Variants in MCM3 observed in about 807,000 individuals in gnomAD.
MCM3 encodes the protein DNA replication licensing factor MCM3.
A neutral mutation model predicts 91.3 loss-of-function variants in MCM3; 59 were observed. The observed-to-expected ratio is 0.65, with a 90% CI of 0.52 to 0.80. The LOEUF (loss-of-function observed/expected upper bound fraction) is 0.80. Among genes scored for constraint, MCM3 ranks in the 30% least tolerant of loss-of-function variants. The pLI is 0.00. For missense variants in MCM3, 919 were observed against 1,035.4 expected (o/e 0.89, Z 1.54); for synonymous variants, 383 against 379.6 (o/e 1.01, Z -0.10).
chr6:52,269,128 T>G lies in MCM3; in HGVS notation c.1926A>C (p.Ala642=). 6.2e-7 allele frequency: 1 copy of G among 1,614,102 alleles called. No homozygotes were observed. The highest frequency in any genetic ancestry group is 8.5e-7 in the Non-Finnish European group (1 of 1,179,930). Reference sequence around the variant, plus strand: ...ACTGGACCAACTCCACAGCTTCCTCTGCATCCTGCAGGTCCACAGTCTTGC... The same window carrying G: ...ACTGGACCAACTCCACAGCTTCCTCGGCATCCTGCAGGTCCACAGTCTTGC... ...RMSKTVDLQD[A]EEAVELVQYA... is the part of the protein sequence containing the mutation. The change falls in exon 13 of 17, where the codon GCA becomes GCC. Residue 642 remains alanine (A), a synonymous_variant. Coordinates refer to ENST00000596288, the MANE Select transcript of MCM3 (RefSeq NM_002388.6).
rs769676124 is a variant in MCM3 at position 52,267,953 on chromosome 6, TCTC to T, written c.1981_1983del (p.Glu661del). 3 of 1,612,788 alleles carry T rather than the reference TCTC, an allele frequency of 1.9e-6. No homozygotes were observed. Among genetic ancestry groups the T allele is most frequent in the East Asian group, 2.2e-5 (1 of 44,866 alleles). On this transcript the variant is annotated inframe_deletion, in exon 14 of 17. Transcript: ENST00000596288. ...TCCTCACTTCGCTTCTTACGTTTCT[TCTC>T]CTTCTCCAGAACCTAAGACCAAGGC...
rs776301059 is a variant in MCM3, at chr6:52,276,372, C to G, written c.1270G>C (p.Glu424Gln). ...GTCACTCGACCCTGCTCCATCACTT[C>G]ATGGATGGCTGTGCGATCCATGTCA... ...MSDMDRTAIH[E>Q]VMEQGRVTIA... The change falls in exon 9 of 17, where the codon GAA (glutamate) becomes CAA (glutamine). Residue 424 changes from glutamate (E) to glutamine (Q), a missense_variant. Glu to Gln is a conservative substitution (Grantham distance 29). Transcript: ENST00000596288. 1 of 1,614,130 alleles carries G rather than the reference C, an allele frequency of 6.2e-7. No individual in the cohort carries two copies. Among genetic ancestry groups the G allele is most frequent in the Non-Finnish European group, 8.5e-7 (1 of 1,180,006 alleles).
At chr6:52,281,859 T>C (rs761014937) in intron 4 of MCM3, among the ~76,000 whole-genome samples, 186 bp downstream of exon 4, 8 of 152,112 alleles carry the variant, frequency 5.3e-5, no homozygotes, top group Non-Finnish European at 1.2e-4. Context: ...AATAAATAAA[T>C]AAATAAATAA....
In MCM3 at chr6:52,264,510, A is replaced by C; in HGVS notation, c.*78T>G. 1 of 1,509,248 alleles carries C rather than the reference A, an allele frequency of 6.6e-7. No homozygotes were observed. Among genetic ancestry groups the C allele is most frequent in the South Asian group, 1.2e-5 (1 of 86,754 alleles). The allele number at this position is 1,509,248 out of a possible 1,614,324, so 93.5% of individuals were successfully genotyped here. A position where few individuals can be genotyped will look rare whatever the true frequency, so the allele number is the denominator to read the frequency against. On this transcript the variant is annotated 3_prime_UTR_variant, in exon 17 of 17. Transcript: ENST00000596288. The stretch of plus-strand genomic sequence containing the variant: ...CAACACTGTTAAGGGAGTAGAGGCA[A>C]AGACTTGGGTCAGGGAGAGGGTGGG...
At chr6:52,279,943 C>T (rs1765932447) in intron 4 of MCM3, among the ~76,000 whole-genome samples, 1 of 152,142 alleles carries the variant, frequency 6.6e-6, no homozygotes, top group Non-Finnish European at 1.5e-5. Context: ...TTGTAATGCT[C>T]ATAGCAACAT....
intron 12 of MCM3, among the ~76,000 whole-genome samples, chr6:52,270,912 C>T (rs1765077301): frequency 6.6e-6 from 1 of 152,150 alleles, no homozygotes; most frequent in Non-Finnish European, 1.5e-5. Flanking sequence ...TCTGCGCATG[C>T]TGTCACTGGG....
chr6:52,272,538 G>A (rs2128278656), intron 11 of MCM3, 87 bp from the exon 12 acceptor site: 2 of 1,510,104 alleles, frequency 1.3e-6, no homozygotes, highest in Admixed American at 1.7e-5. Flanking sequence ...AAAAGCCAGG[G>A]TCAAAACAAA....
chr6:52,280,531 A>G (rs372814595), intron 4 of MCM3, among the ~76,000 whole-genome samples: 5 of 152,366 alleles, frequency 3.3e-5, no homozygotes, highest in African/African-American at 1.2e-4. Context: ...CAGGTCACAC[A>G]GTTAAGTAGC....
Position 52,264,802 on chromosome 6 carries a change from GAAAGGGGGAAGAGGAGTAA to G in MCM3, c.2229-35_2229-17del. 1 of 1,610,714 alleles carries G rather than the reference GAAAGGGGGAAGAGGAGTAA, an allele frequency of 6.2e-7. No individual in the cohort carries two copies. The highest frequency in any genetic ancestry group is 1.3e-5 in the African/African-American group (1 of 74,982). On this transcript the variant is annotated splice_polypyrimidine_tract_variant and intron_variant, in intron 16 of 16. Transcript: ENST00000596288. The stretch of plus-strand genomic sequence containing the variant: ...TGCCTTCAACCTGCCCCAGACAGAA[GAAAGGGGGAAGAGGAGTAA>G]ACAAACCCAAATGCTCTCAGGAAAC...
In MCM3 at chr6:52,282,164, G is replaced by A. The variant is rs371347878; in HGVS notation, c.412C>T (p.Arg138Cys). ...EGIVTKCSLV[R>C]PKVVRSVHYC... ...TGGACACTGCGGACGACTTTGGGAC[G>A]AACTAGAGAACCTAGGGATGGAAAA... Residue 138 changes from arginine (R) to cysteine (C), a missense_variant, in exon 4 of 17, where the codon CGT becomes TGT. Coordinates refer to ENST00000596288, the MANE Select transcript of MCM3 (RefSeq NM_002388.6). 8 of 1,614,026 alleles carry A rather than the reference G, an allele frequency of 5.0e-6. No individual in the cohort carries two copies. The highest frequency in any genetic ancestry group is 3.3e-5 in the South Asian group (3 of 91,070).
chr6:52,282,898 C>T, intron 2 of MCM3, 37 bp from the exon 3 acceptor site: 2 of 1,499,314 alleles, frequency 1.3e-6, no homozygotes, highest in Non-Finnish European at 9.2e-7. Flanking sequence ...TTAGACTGGG[C>T]AGAACTCAAA....
chr6:52,276,875 C>T (rs1260480460), intron 8 of MCM3, among the ~76,000 whole-genome samples, 192 bp downstream of exon 8: 1 of 152,174 alleles, frequency 6.6e-6, no homozygotes, highest in African/African-American at 2.4e-5. Context: ...TCCTTTAAAT[C>T]GAAAACATTC....
intron 12 of MCM3, among the ~76,000 whole-genome samples, chr6:52,270,906 C>T (rs192104911): frequency 2.0e-5 from 3 of 152,228 alleles, no homozygotes; most frequent in South Asian, 2.1e-4. Context: ...TGATGCTCTG[C>T]GCATGCTGTC....
Position 52,278,835 on chromosome 6 carries a change from G to C in MCM3, c.786C>G (p.Ala262=). 1 of 1,612,682 alleles carries C rather than the reference G, an allele frequency of 6.2e-7. No individual in the cohort carries two copies. The highest frequency in any genetic ancestry group is 8.5e-7 in the Non-Finnish European group (1 of 1,178,868). Residue 262 remains alanine (A), a synonymous_variant, in exon 6 of 17, where the codon GCC becomes GCG. Coordinates refer to ENST00000596288, the MANE Select transcript of MCM3 (RefSeq NM_002388.6). The stretch of plus-strand genomic sequence containing the variant: ...CCTTGCTCATCTGCTTAACATTACA[G>C]GCAATCAGGACAGTCCTGGGACAAA... ...TSGTFRTVLI[A]CNVKQMSKDA... is the part of the protein sequence containing the mutation.
Position 52,279,532 on chromosome 6 carries a change from G to T in MCM3, c.599C>A (p.Thr200Asn). The change falls in exon 5 of 17, where the codon ACC becomes AAC. Residue 200 changes from threonine (T) to asparagine (N), a missense_variant. By Grantham distance (65) the Thr-to-Asn change is moderately conservative. Coordinates refer to ENST00000596288, the MANE Select transcript of MCM3 (RefSeq NM_002388.6). ...LSVYKDHQTI[T>N]IQEMPEKAPA... is the part of the protein sequence containing the mutation. ...GGCCTTCTCCGGCATCTCCTGGATG[G>T]TGATGGTCTGGTGATCCTTGTAGAC... is the stretch of plus-strand genomic sequence containing the variant. 6.2e-7 allele frequency: 1 copy of T among 1,614,150 alleles called. No homozygotes were observed. The highest frequency in any genetic ancestry group is 1.1e-5 in the South Asian group (1 of 91,082).
chr6:52,267,912 T>G lies in MCM3; in HGVS notation c.2025A>C (p.Glu675Asp), dbSNP rs1209130435. 2.7e-6 allele frequency: 4 copies of G among 1,498,750 alleles called. No homozygotes were observed. Among genetic ancestry groups the G allele is most frequent in the Non-Finnish European group, 3.7e-6 (4 of 1,076,520 alleles). 92.8% of individuals were successfully genotyped at this position (1,498,750 alleles called of 1,614,324 possible). ...KKRSEDESET[E>D]DEEEKSQEDQ... ...CCTCTTGGCTTTTCTCCTCTTCATC[T>G]TCTGTCTCTGATTCATCCTCACTTC... The change falls in exon 14 of 17, where the codon GAA becomes GAC. Residue 675 changes from glutamate to aspartate, a missense_variant. Physicochemically the swap from Glu to Asp is conservative, Grantham distance 45 (BLOSUM62 2). Coordinates refer to ENST00000596288, the MANE Select transcript of MCM3 (RefSeq NM_002388.6).
rs1765655039 is a variant in MCM3 at position 52,277,216 on chromosome 6, TG to T, written c.1034-19del. On this transcript the variant is annotated intron_variant, in intron 7 of 16. Coordinates refer to ENST00000596288, the MANE Select transcript of MCM3 (RefSeq NM_002388.6). ...TGGGTCTCCTGTAGGGTGGGGGCAG[TG>T]ATGACTCTCTAGGAAACTCCCCAGC... 6.2e-7 allele frequency: 1 copy of T among 1,608,684 alleles called. No individual in the cohort carries two copies. Among genetic ancestry groups the T allele is most frequent in the African/African-American group, 1.3e-5 (1 of 74,784 alleles).
intron 2 of MCM3, 31 bp downstream of exon 2, chr6:52,283,263 C>T: frequency 6.4e-7 from 1 of 1,573,606 alleles, no homozygotes; most frequent in East Asian, 2.2e-5. Flanking sequence ...GCCATTCTCA[C>T]TGACAGCCAG....
Position 52,282,769 on chromosome 6 carries a change from T to A in MCM3, c.284A>T (p.Tyr95Phe), listed in dbSNP as rs1766224131. 6.2e-7 allele frequency: 1 copy of A among 1,614,078 alleles called. No homozygotes were observed. The highest frequency in any genetic ancestry group is 2.2e-5 in the East Asian group (1 of 44,868). The change falls in exon 3 of 17, where the codon TAT (tyrosine) becomes TTT (phenylalanine). Residue 95 changes from tyrosine (Y) to phenylalanine (F), a missense_variant. Physicochemically the swap from Tyr to Phe is conservative, Grantham distance 22. Transcript: ENST00000596288. Reference protein sequence around the residue: ...ASIDATYAKQYEEFYVGLEGS... With the variant: ...ASIDATYAKQFEEFYVGLEGS... Reference sequence around the variant, plus strand: ...TTCCAGTCCTACGTAGAACTCCTCATACTGCTTGGCATAGGTAGCATCAAT... The same window carrying A: ...TTCCAGTCCTACGTAGAACTCCTCAAACTGCTTGGCATAGGTAGCATCAAT...
Sources: gnomAD v4.1 joint callset for allele counts (sites outside exome capture counted in the v4.1 genomes callset) on GRCh38, gnomAD v4.1.1 for gene constraint, MANE v1.5 for transcripts, NCBI Gene and HGNC (gene_info 2026-07-23, HGNC 2026-07-21) for gene names.